The following ILDR2 variants were observed in gnomAD, a reference collection of about 807,000 sequenced individuals.
ILDR2 encodes the protein immunoglobulin-like domain-containing receptor 2.
Under a neutral mutation model 66.8 loss-of-function variants are expected in ILDR2, and 25 were observed. That is an observed-to-expected ratio of 0.37 (90% CI 0.27 to 0.52). ILDR2 has a LOEUF of 0.52. Ranked by LOEUF, ILDR2 falls within the 20% of genes least tolerant of loss-of-function variation. The probability of loss-of-function intolerance (pLI) is 0.88; values close to 1 mark genes in which losing one functional copy is unlikely to be tolerated. For missense variants in ILDR2, 827 were observed against 876.8 expected (o/e 0.94, Z 0.72); for synonymous variants, 367 against 357.2 (o/e 1.03, Z -0.31).
intron 4 of ILDR2, among the ~76,000 whole-genome samples, chr1:166,938,217 G>C (rs1377588339): frequency 6.6e-6 from 1 of 152,258 alleles, no homozygotes; most frequent in African/African-American, 2.4e-5. Context: ...CATAGCCTGA[G>C]ATAGATAGGA....
At chr1:166,896,511 T>A (rs188984019) in intron 2 of ILDR2, among the ~76,000 whole-genome samples, 7 of 151,156 alleles carry the variant, frequency 4.6e-5, no homozygotes, top group East Asian at 2.0e-4. Flanking sequence ...TAATTTTTTT[T>A]AATTCTGTTC....
chr1:166,969,038 T>C (rs2102025889), intron 1 of ILDR2, among the ~76,000 whole-genome samples: 1 of 152,306 alleles, frequency 6.6e-6, no homozygotes, highest in Middle Eastern at 3.4e-3. Flanking sequence ...GTGCCAAACA[T>C]TGTGCTAGAA....
downstream of ILDR2, among the ~76,000 whole-genome samples, chr1:166,906,901 C>A (rs993353608): frequency 6.6e-6 from 1 of 152,162 alleles, no homozygotes; most frequent in Non-Finnish European, 1.5e-5. Flanking sequence ...TTCGCCTGGA[C>A]CTAGGGGGCC....
chr1:166,926,346 T>C (rs982461339), intron 7 of ILDR2, among the ~76,000 whole-genome samples: 5 of 151,946 alleles, frequency 3.3e-5, no homozygotes, highest in African/African-American at 1.2e-4. Flanking sequence ...AGCTGCAGAG[T>C]ATCCAAGGGC....
rs1659671780 is a variant in ILDR2, at chr1:166,917,066, C to G, written c.*2289G>C. 1 of 152,154 alleles carries G rather than the reference C, an allele frequency of 6.6e-6. No homozygotes were observed. The highest frequency in any genetic ancestry group is 1.5e-5 in the Non-Finnish European group (1 of 68,046). The allele number at this position is 152,154 out of a possible 1,614,324, so 9.4% of individuals were successfully genotyped here. Reference sequence around the variant, plus strand: ...GTGACTAAGAAATGTTTTTTATCATCTTTTCCATCTGAACTGGGGTCCAAA... The same window carrying G: ...GTGACTAAGAAATGTTTTTTATCATGTTTTCCATCTGAACTGGGGTCCAAA... On this transcript the variant is annotated 3_prime_UTR_variant, in exon 10 of 10. Coordinates refer to ENST00000271417, the MANE Select transcript of ILDR2 (RefSeq NM_199351.3).
intron 6 of ILDR2, among the ~76,000 whole-genome samples, chr1:166,935,072 T>A (rs1451721627): frequency 6.6e-6 from 1 of 152,190 alleles, no homozygotes; most frequent in Non-Finnish European, 1.5e-5. Flanking sequence ...CTTACAGTTC[T>A]AGTAATTGAG....
intron 6 of ILDR2, among the ~76,000 whole-genome samples, chr1:166,930,214 C>T (rs527452206): frequency 2.8e-4 from 43 of 152,288 alleles, no homozygotes; most frequent in Non-Finnish European, 6.0e-4. Flanking sequence ...TTACACTCCT[C>T]ATTATGATAC....
At chr1:166,962,905 T>C (rs921407178) in intron 1 of ILDR2, among the ~76,000 whole-genome samples, 1 of 152,148 alleles carries the variant, frequency 6.6e-6, no homozygotes, top group Non-Finnish European at 1.5e-5. Flanking sequence ...TCTGATTTAC[T>C]CCCAAGGCTC....
rs961956302 is a variant in ILDR2 at position 166,913,816 on chromosome 1, T to C, written c.*5539A>G. ...CATATATTACCCCTCACAGCACAGG[T>C]GATGAAAGTGAGGCTCTCAGCTGGG... On this transcript the variant is annotated 3_prime_UTR_variant, in exon 10 of 10. Transcript: ENST00000271417. The C allele has an allele frequency of 2.0e-5, 3 of 152,124 alleles. No individual in the cohort carries two copies. The highest frequency in any genetic ancestry group is 7.2e-5 in the African/African-American group (3 of 41,428). 9.4% of individuals were successfully genotyped at this position (152,124 alleles called of 1,614,324 possible).
intron 7 of ILDR2, among the ~76,000 whole-genome samples, chr1:166,925,961 T>C (rs1481740369): frequency 1.3e-5 from 2 of 152,204 alleles, no homozygotes; most frequent in East Asian, 3.8e-4. Context: ...ATGACAACAT[T>C]GTTACAACTA....
intron 2 of ILDR2, among the ~76,000 whole-genome samples, chr1:166,900,601 G>A (rs1659249829): frequency 6.6e-6 from 1 of 152,214 alleles, no homozygotes; most frequent in Non-Finnish European, 1.5e-5. Context: ...CCACAGCTCA[G>A]AAAGGCTACA....
At chr1:166,935,585 T>A (rs931865494) in intron 5 of ILDR2, 108 bp from the exon 6 acceptor site, 1 of 937,470 alleles carries the variant, frequency 1.1e-6, no homozygotes, top group African/African-American at 1.7e-5. Context: ...GATGTGTGTA[T>A]GTGCATGTGT....
chr1:166,958,920 C>T lies in ILDR2; in HGVS notation c.47-819G>A, dbSNP rs577167328. ...AAGACCCTTCACTCATCCTCCATAG[C>T]CCTCAGGATAAAACCCAAAGTCCTT... On this transcript the variant is annotated intron_variant, in intron 1 of 9. Coordinates refer to ENST00000271417, the MANE Select transcript of ILDR2 (RefSeq NM_199351.3). Among the ~76,000 whole-genome samples, 3 of 152,318 alleles carry T rather than the reference C, an allele frequency of 2.0e-5. No individual in the cohort carries two copies. The South Asian group carries it at 6.2e-4, about 32-fold the overall frequency.
At chr1:166,903,557 T>A (rs1470481930), downstream of ILDR2, among the ~76,000 whole-genome samples, 1 of 152,194 alleles carries the variant, frequency 6.6e-6, no homozygotes, top group Non-Finnish European at 1.5e-5. Context: ...AAATTTAGTC[T>A]CTGGTTAGCT....
rs1243538985 is a variant in ILDR2 at position 166,920,578 on chromosome 1, C to T, written c.1884+129G>A. 4.6e-6 allele frequency: 5 copies of T among 1,078,280 alleles called. No homozygotes were observed. In the African/African-American group the frequency reaches 6.7e-5, roughly 14 times the overall value. The allele number at this position is 1,078,280 out of a possible 1,614,324, so 66.8% of individuals were successfully genotyped here. Reference sequence around the variant, plus strand: ...GCGGACGAACTCGCCCAGGCAGGCCCCTGCGGCCTCTCCGGCAAGGACCCT... The same window carrying T: ...GCGGACGAACTCGCCCAGGCAGGCCTCTGCGGCCTCTCCGGCAAGGACCCT... On this transcript the variant is annotated intron_variant, in intron 9 of 9. Coordinates refer to ENST00000271417, the MANE Select transcript of ILDR2 (RefSeq NM_199351.3).
chr1:166,905,345 C>G (rs1659328300), downstream of ILDR2, among the ~76,000 whole-genome samples: 3 of 152,156 alleles, frequency 2.0e-5, no homozygotes, highest in Admixed American at 2.0e-4. Context: ...CACAAAATTG[C>G]AGAAGCTGAG....
chr1:166,941,735 AACTTTGCTAGTGTTTACTCTCC>A (rs1240191376), intron 3 of ILDR2, among the ~76,000 whole-genome samples: 1 of 152,150 alleles, frequency 6.6e-6, no homozygotes, highest in Non-Finnish European at 1.5e-5. Context: ...TAAAATCAGA[AACTTTGCTAGTGTTTACTCTCC>A]ACTTCTCAAG....
chr1:166,949,603 G>A (rs1557948293), intron 3 of ILDR2, among the ~76,000 whole-genome samples: 1 of 152,184 alleles, frequency 6.6e-6, no homozygotes, highest in Non-Finnish European at 1.5e-5. Context: ...GAAGGCCAAA[G>A]GAAGCTTCTT....
At chr1:166,958,158 A>G (rs1171842420) in intron 1 of ILDR2, 57 bp from the exon 2 acceptor site, 19 of 1,369,324 alleles carry the variant, frequency 1.4e-5, no homozygotes, top group Admixed American at 3.6e-5. Flanking sequence ...CTCACCTTCC[A>G]TCACATGATC....
Sources: allele counts gnomAD v4.1 joint callset (sites outside exome capture counted in the v4.1 genomes callset), GRCh38; gene constraint gnomAD v4.1.1; transcripts MANE v1.5; gene names NCBI Gene and HGNC (gene_info 2026-07-23, HGNC 2026-07-21).